Variants in SORBS2 observed in about 807,000 individuals in gnomAD.
The protein encoded by SORBS2 is sorbin and SH3 domain-containing protein 2.
Under a neutral mutation model 97.7 loss-of-function variants are expected in SORBS2, and 46 were observed. That is an observed-to-expected ratio of 0.47 (90% CI 0.37 to 0.60). SORBS2 has a LOEUF of 0.60. Among genes scored for constraint, SORBS2 ranks in the 20% least tolerant of loss-of-function variants. The pLI, the probability that SORBS2 is intolerant of heterozygous loss-of-function variation, is 0.00. For missense variants in SORBS2, 1,316 were observed against 1,282.3 expected (o/e 1.03, Z -0.40); for synonymous variants, 476 against 473.4 (o/e 1.01, Z -0.07).
intron 1 of SORBS2, among the ~76,000 whole-genome samples, chr4:185,847,395 G>A (rs368177096): frequency 6.6e-5 from 10 of 152,284 alleles, no homozygotes; most frequent in East Asian, 5.8e-4. Flanking sequence ...ACTCTGCCCA[G>A]TGTGGAGGTG....
At chr4:185,663,718 A>G (rs529275525) in intron 4 of SORBS2, among the ~76,000 whole-genome samples, 36 of 152,282 alleles carry the variant, frequency 2.4e-4, no homozygotes, top group Admixed American at 5.9e-4. Flanking sequence ...AAAGCTGAAG[A>G]ATCCTTCTTA....
At position 185,682,066 on chromosome 4, in the gene SORBS2, C is replaced by T. The variant is rs1213326307; in HGVS notation, c.-197-3244G>A. 2.0e-5 allele frequency among the ~76,000 whole-genome samples: 3 copies of T among 152,116 alleles called. No homozygotes were observed. In the East Asian group the frequency reaches 5.8e-4, roughly 29 times the overall value. ...TGAGTGCCTACTGTGTTTCTATGTA[C>T]AATTATAACCCTTTTCATTTATTTT... On this transcript the variant is annotated intron_variant, in intron 2 of 20. Transcript: ENST00000284776.
At chr4:185,776,848 TG>T (rs1427535274) in intron 1 of SORBS2, among the ~76,000 whole-genome samples, 2 of 148,138 alleles carry the variant, frequency 1.4e-5, no homozygotes, top group African/African-American at 5.0e-5. Flanking sequence ...TGCGGTGAGC[TG>T]AGATCGCACC....
chr4:185,847,859 C>A (rs1290381294), intron 1 of SORBS2, among the ~76,000 whole-genome samples: 1 of 152,134 alleles, frequency 6.6e-6, no homozygotes, highest in African/African-American at 2.4e-5. Flanking sequence ...TTTCTGCTAT[C>A]GTTTTTGATG....
chr4:185,795,760 C>T (rs967676646), intron 1 of SORBS2, among the ~76,000 whole-genome samples: 3 of 152,172 alleles, frequency 2.0e-5, no homozygotes, highest in Non-Finnish European at 4.4e-5. Flanking sequence ...TTGGTCTAGA[C>T]ATTTTTTTTA....
intron 2 of SORBS2, among the ~76,000 whole-genome samples, chr4:185,754,529 A>G (rs1389977148): frequency 6.6e-6 from 1 of 152,234 alleles, no homozygotes; most frequent in African/African-American, 2.4e-5. Context: ...CGTTTTATGT[A>G]TAATCACTAA....
chr4:185,606,874 G>A lies in SORBS2; in HGVS notation c.2796+4906C>T. ...GGAACCCACGCTGGTGCACGCAGAG[G>A]CCACAAAATTATCCCCTAGGACTTC... On this transcript the variant is annotated intron_variant, in intron 12 of 14. Coordinates refer to ENST00000418609, the Ensembl canonical transcript of SORBS2. This position sits in a 1 kb window ranked among gnomAD's most constrained non-coding sequence, Gnocchi z 4.3. 1 of 987,392 alleles carries A rather than the reference G, an allele frequency of 1.0e-6. No homozygotes were observed. The highest frequency in any genetic ancestry group is 1.2e-6 in the Non-Finnish European group (1 of 830,956). The allele number at this position is 987,392 out of a possible 1,614,324, so 61.2% of individuals were successfully genotyped here.
chr4:185,848,614 ATCTCTTTTTTTTTTTTTT>A (rs2099215933), intron 1 of SORBS2, among the ~76,000 whole-genome samples: 1 of 121,298 alleles, frequency 8.2e-6, no homozygotes, highest in Admixed American at 8.1e-5. Flanking sequence ...TTATAAGGAT[ATCTCTTTTTTTTTTTTTT>A]TTTTTTTTTT....
intron 1 of SORBS2, among the ~76,000 whole-genome samples, chr4:185,856,514 T>A (rs2099220612): frequency 6.6e-6 from 1 of 152,154 alleles, no homozygotes; most frequent in South Asian, 2.1e-4. Context: ...GCTTTATAAA[T>A]CTCTAGATTT....
chr4:185,673,155 C>T (rs1370588864), intron 4 of SORBS2, among the ~76,000 whole-genome samples: 2 of 152,250 alleles, frequency 1.3e-5, no homozygotes, highest in African/African-American at 2.4e-5. Flanking sequence ...CTGGTGGTTG[C>T]CAGGCGCTTG....
chr4:185,752,572 A>G (rs1035259644), intron 2 of SORBS2, among the ~76,000 whole-genome samples: 3 of 152,136 alleles, frequency 2.0e-5, no homozygotes, highest in South Asian at 2.1e-4. Flanking sequence ...CACCGTGCCC[A>G]GCCCTGCAGC....
chr4:185,691,204 T>G (rs1211170571), intron 2 of SORBS2, among the ~76,000 whole-genome samples: 4 of 151,834 alleles, frequency 2.6e-5, no homozygotes, highest in African/African-American at 7.3e-5. Context: ...CCGGCCTGTT[T>G]GTTTCTTTTT....
intron 1 of SORBS2, among the ~76,000 whole-genome samples, chr4:185,923,744 G>A (rs1325030975): frequency 6.6e-6 from 1 of 152,004 alleles, no homozygotes; most frequent in Admixed American, 6.6e-5. Context: ...CACAAAAGGA[G>A]AGAAACACTT....
intron 2 of SORBS2, among the ~76,000 whole-genome samples, chr4:185,724,612 A>G (rs72702082): frequency 0.03 from 4,538 of 152,146 alleles, 73 homozygotes; most frequent in Middle Eastern, 0.044. Flanking sequence ...GCTGTCTGAG[A>G]GGTCAACTTC....
rs553330675 is a variant in SORBS2 at position 185,623,659 on chromosome 4, A to G, written c.1470T>C (p.Asp490=). ...ACTCCACGTGTGCTCGGGGCTGCTC[A>G]TCGCTGGTGACTTCAATGTGAATGG... Residue 490 remains aspartate (D), a synonymous_variant, in exon 7 of 15, where the codon GAT becomes GAC. Transcript: ENST00000418609. This position sits in a 1 kb window ranked among gnomAD's most constrained non-coding sequence, Gnocchi z 6.4. 2 of 1,614,064 alleles carry G rather than the reference A, an allele frequency of 1.2e-6. No homozygotes were observed. The highest frequency in any genetic ancestry group is 4.5e-5 in the East Asian group (2 of 44,878).
intron 13 of SORBS2, among the ~76,000 whole-genome samples, chr4:185,591,308 C>G (rs1329998040): frequency 1.3e-5 from 2 of 152,178 alleles, no homozygotes; most frequent in Non-Finnish European, 2.9e-5. Flanking sequence ...TTCCAGTAGA[C>G]CTTACAGCCA....
chr4:185,733,161 C>G (rs2153575760), intron 2 of SORBS2, among the ~76,000 whole-genome samples: 1 of 152,372 alleles, frequency 6.6e-6, no homozygotes. Context: ...GAAACTGATA[C>G]AGTGGCTCAA....
chr4:185,633,394 A>G (rs2096938773), intron 4 of SORBS2, among the ~76,000 whole-genome samples: 2 of 152,056 alleles, frequency 1.3e-5, no homozygotes, highest in South Asian at 4.1e-4. Flanking sequence ...TGCTATTAGA[A>G]TCATACAGCA....
At chr4:185,936,820 C>T (rs1478414671) in intron 1 of SORBS2, among the ~76,000 whole-genome samples, 1 of 152,206 alleles carries the variant, frequency 6.6e-6, no homozygotes, top group Non-Finnish European at 1.5e-5. Context: ...ACCTCCCACA[C>T]TCAGCTTCTG....
Sources: gnomAD v4.1 joint callset for allele counts (sites outside exome capture counted in the v4.1 genomes callset) on GRCh38, gnomAD v4.1.1 for gene constraint, Gnocchi (gnomAD v3.1) non-coding constraint, MANE v1.5 for transcripts, NCBI Gene and HGNC (gene_info 2026-07-23, HGNC 2026-07-21) for gene names.